MYBPH: variants seen among roughly 807,000 people sequenced by gnomAD.
The protein encoded by MYBPH is myosin-binding protein H.
A neutral mutation model predicts 53.6 loss-of-function variants in MYBPH; 49 were observed. The observed-to-expected ratio is 0.91, with a 90% CI of 0.73 to 1.16. The LOEUF (loss-of-function observed/expected upper bound fraction) is 1.16. Ranked by LOEUF, MYBPH falls within the 50% of genes most tolerant of loss-of-function variation. The probability of loss-of-function intolerance (pLI) is 0.00; values close to 1 mark genes in which losing one functional copy is unlikely to be tolerated. For synonymous variants in MYBPH, 239 were observed against 249.6 expected, an observed-to-expected ratio of 0.96 and a Z score of 0.40; for missense variants, 558 against 624.1, an observed-to-expected ratio of 0.89 and a Z score of 1.13.
upstream of MYBPH, among the ~76,000 whole-genome samples, chr1:203,177,489 T>G (rs893048957): frequency 6.6e-6 from 1 of 152,220 alleles, no homozygotes; most frequent in Non-Finnish European, 1.5e-5. Context: ...TGGCTGCCTC[T>G]CAACCCTGCT....
At chr1:203,174,864 G>C (rs1328877312) in intron 2 of MYBPH, among the ~76,000 whole-genome samples, 3 of 152,142 alleles carry the variant, frequency 2.0e-5, no homozygotes, top group South Asian at 2.1e-4. Context: ...TAGGGGCAGA[G>C]GCAGAGGCCA....
chr1:203,171,705 G>T lies in MYBPH; in HGVS notation c.598-127C>A. The stretch of plus-strand genomic sequence containing the variant: ...CCACTGGCCCTTCTCAGGAGGGGCA[G>T]CAGAGGCTGGAGCCACAGGTGCTGC... On this transcript the variant is annotated intron_variant, in intron 4 of 10. Transcript: ENST00000255416. This position sits in a 1 kb window ranked among gnomAD's most constrained non-coding sequence, Gnocchi z 4.2. The T allele has an allele frequency of 9.4e-7, 1 of 1,059,534 alleles. No homozygotes were observed. The highest frequency in any genetic ancestry group is 1.3e-6 in the Non-Finnish European group (1 of 757,950). The allele number at this position is 1,059,534 out of a possible 1,614,324, so 65.6% of individuals were successfully genotyped here.
rs550338578 is a variant in MYBPH at position 203,171,163 on chromosome 1, G to A, written c.831C>T (p.Asp277=). Residue 277 remains aspartate, a synonymous_variant, in exon 6 of 11, where the codon GAC becomes GAT. Coordinates refer to ENST00000255416, the MANE Select transcript of MYBPH (RefSeq NM_004997.3). This position sits in a 1 kb window ranked among gnomAD's most constrained non-coding sequence, Gnocchi z 4.2. ...PGPPSSIRLL[D]VWGCNAALQW... Reference sequence around the variant, plus strand: ...GAAGAGCAGCATTGCAGCCCCAGACGTCCAGGAGCCTGATGCTGCTGGGGG... The same window carrying A: ...GAAGAGCAGCATTGCAGCCCCAGACATCCAGGAGCCTGATGCTGCTGGGGG... The A allele has an allele frequency of 4.5e-5, 72 of 1,611,590 alleles. No individual in the cohort carries two copies. Among genetic ancestry groups the A allele is most frequent in the South Asian group, 2.8e-4 (25 of 90,694 alleles).
chr1:203,178,414 A>C (rs1655857850), upstream of MYBPH, among the ~76,000 whole-genome samples: 1 of 152,150 alleles, frequency 6.6e-6, no homozygotes, highest in African/African-American at 2.4e-5. Context: ...GCTGCCCCTC[A>C]CTGGGAGGCT....
At chr1:203,172,661 T>C (rs531299604) in intron 3 of MYBPH, among the ~76,000 whole-genome samples, 1 of 152,340 alleles carries the variant, frequency 6.6e-6, no homozygotes, top group Non-Finnish European at 1.5e-5. Context: ...CGGGAAGTCC[T>C]TCTTGAAGTC....
At chr1:203,177,383 G>A (rs1655832858), upstream of MYBPH, among the ~76,000 whole-genome samples, 2 of 152,234 alleles carry the variant, frequency 1.3e-5, no homozygotes, top group South Asian at 4.1e-4. Context: ...CACGTAAGAT[G>A]TGCTCACAAT....
rs768765182 is a variant in MYBPH, at chr1:203,175,666, G to A, written c.90C>T (p.Pro30=). ...ESAKVPTAEP[P]GEVAVSESTR... is the part of the protein sequence containing the mutation. ...TGGACTCTGATACTGCCACTTCTCCGGGAGGCTCTGCTGTGGGCACCTTGG... is the reference window on the plus strand; with the variant it reads ...TGGACTCTGATACTGCCACTTCTCCAGGAGGCTCTGCTGTGGGCACCTTGG... Residue 30 remains proline (P), a synonymous_variant, in exon 1 of 11, where the codon CCC becomes CCT. Coordinates refer to ENST00000255416, the MANE Select transcript of MYBPH (RefSeq NM_004997.3). 1.7e-5 allele frequency: 27 copies of A among 1,614,008 alleles called. No individual in the cohort carries two copies. Among genetic ancestry groups the A allele is most frequent in the South Asian group, 1.3e-4 (12 of 91,086 alleles).
chr1:203,176,237 G>C (rs181787438), upstream of MYBPH, among the ~76,000 whole-genome samples: 2 of 152,182 alleles, frequency 1.3e-5, no homozygotes, highest in African/African-American at 4.8e-5. Context: ...TGGGACAATC[G>C]TCCTTGTGAG....
chr1:203,170,548 C>CCAACCTT, intron 6 of MYBPH, 98 bp from the exon 7 acceptor site: 1 of 1,474,068 alleles, frequency 6.8e-7, no homozygotes, highest in Non-Finnish European at 9.2e-7. Context: ...TTCCATGCCC[C>CCAACCTT]CAACCTTAGG....
At position 203,171,105 on chromosome 1, in the gene MYBPH, C is replaced by G. The variant is rs2102189413; in HGVS notation, c.889G>C (p.Glu297Gln). The G allele has an allele frequency of 1.2e-6, 2 of 1,612,490 alleles. No homozygotes were observed. The highest frequency in any genetic ancestry group is 1.7e-6 in the Non-Finnish European group (2 of 1,179,400). ...TTCTGCACCATGTAGCCCAGGAGCTCTGTGTTGCCTGTGTCCTGGGGTGGC... is the reference window on the plus strand; with the variant it reads ...TTCTGCACCATGTAGCCCAGGAGCTGTGTGTTGCCTGTGTCCTGGGGTGGC... ...WTPPQDTGNT[E>Q]LLGYMVQKAD... The change falls in exon 6 of 11, where the codon GAG becomes CAG. Residue 297 changes from glutamate (E) to glutamine (Q), a missense_variant. Transcript: ENST00000255416. This position sits in a 1 kb window ranked among gnomAD's most constrained non-coding sequence, Gnocchi z 4.2.
rs1655793788 is a variant in MYBPH at position 203,175,631 on chromosome 1, T to C, written c.125A>G (p.Glu42Gly). 6.2e-7 allele frequency: 1 copy of C among 1,613,860 alleles called. No homozygotes were observed. The highest frequency in any genetic ancestry group is 1.3e-5 in the African/African-American group (1 of 74,870). Residue 42 changes from glutamate to glycine, a missense_variant, in exon 1 of 11, where the codon GAG (glutamate) becomes GGG (glycine). Glu to Gly is a moderately conservative substitution (Grantham distance 98). Coordinates refer to ENST00000255416, the MANE Select transcript of MYBPH (RefSeq NM_004997.3). ...EVAVSESTRE[E>G]QVPKPQAPAP... ...AGGGGCCTGCGGCTTGGGCACCTGCTCTTCTCTGGTGGACTCTGATACTGC... is the reference window on the plus strand; with the variant it reads ...AGGGGCCTGCGGCTTGGGCACCTGCCCTTCTCTGGTGGACTCTGATACTGC...
rs1476217673 is a variant in MYBPH at position 203,175,751 on chromosome 1, A to G, written c.5T>C (p.Met2Thr). 19 of 1,613,434 alleles carry G rather than the reference A, an allele frequency of 1.2e-5. No homozygotes were observed. The highest frequency in any genetic ancestry group is 1.6e-5 in the Non-Finnish European group (19 of 1,179,892). The stretch of plus-strand genomic sequence containing the variant: ...AGGGCCCTCGGAGGTGTTTTTTTCC[A>G]TCATTGCTGGACTGGCTGGGGGGCC... Reference protein sequence around the residue: MMEKNTSEGPAC... With the variant: MTEKNTSEGPAC... The change falls in exon 1 of 11, where the codon ATG (methionine) becomes ACG (threonine). Residue 2 changes from methionine to threonine, a missense_variant. Transcript: ENST00000255416.
chr1:203,168,341 T>C (rs1358966796), intron 10 of MYBPH, among the ~76,000 whole-genome samples: 3 of 152,204 alleles, frequency 2.0e-5, no homozygotes, highest in Non-Finnish European at 4.4e-5. Context: ...TGAGAGAATG[T>C]GTCCAAAGAG....
rs1032686577 is a variant in MYBPH, at chr1:203,171,296, C to T, written c.793+87G>A. On this transcript the variant is annotated intron_variant, in intron 5 of 10. Coordinates refer to ENST00000255416, the MANE Select transcript of MYBPH (RefSeq NM_004997.3). This position sits in a 1 kb window ranked among gnomAD's most constrained non-coding sequence, Gnocchi z 4.2. ...TTTGGCTCTTGCCACACTCCCTTGG[C>T]CTGCTCCCATCAGCCATCAGCTCTG... 3.2e-6 allele frequency: 5 copies of T among 1,562,160 alleles called. No individual in the cohort carries two copies. The highest frequency in any genetic ancestry group is 1.4e-5 in the African/African-American group (1 of 74,000).
At chr1:203,169,519 A>G (rs1461469740) in intron 7 of MYBPH, 130 bp from the exon 8 acceptor site, 8 of 1,310,238 alleles carry the variant, frequency 6.1e-6, no homozygotes, top group Non-Finnish European at 5.3e-6. Flanking sequence ...GACAATCTCA[A>G]AGAGGCAGAG....
intron 8 of MYBPH, 63 bp downstream of exon 8, chr1:203,169,190 C>T: frequency 1.3e-6 from 2 of 1,576,392 alleles, no homozygotes; most frequent in Non-Finnish European, 1.7e-6. Context: ...CGGAGGATTC[C>T]TCAGCCCTGC....
At chr1:203,172,875 G>A (rs1393750169) in intron 3 of MYBPH, among the ~76,000 whole-genome samples, 1 of 152,186 alleles carries the variant, frequency 6.6e-6, no homozygotes, top group African/African-American at 2.4e-5. Flanking sequence ...GGCGGAGGAG[G>A]ACAAGACAGT....
At chr1:203,177,446 T>C (rs1054080007), upstream of MYBPH, among the ~76,000 whole-genome samples, 3 of 152,234 alleles carry the variant, frequency 2.0e-5, no homozygotes, top group Admixed American at 6.5e-5. Flanking sequence ...ATGCATGCTC[T>C]TCCCTTTCCT....
Position 203,168,988 on chromosome 1 carries a change from G to A in MYBPH, c.1335C>T (p.Ser445=), listed in dbSNP as rs780549185. The change falls in exon 9 of 11, where the codon AGC becomes AGT. Residue 445 remains serine (S), a synonymous_variant. Transcript: ENST00000255416. ...AGGTGTAGACCCCAGAATCAAAGGG[G>A]CTGGGTTTCCGGATCTCTAGGGTGC... is the stretch of plus-strand genomic sequence containing the variant. ...GVCTLEIRKP[S]PFDSGVYTCK... is the part of the protein sequence containing the mutation. 5.0e-6 allele frequency: 8 copies of A among 1,613,890 alleles called. No individual in the cohort carries two copies. In the Admixed American group the frequency reaches 1.2e-4, roughly 24 times the overall value.
Sources: gnomAD v4.1 joint callset for allele counts (sites outside exome capture counted in the v4.1 genomes callset) on GRCh38, gnomAD v4.1.1 for gene constraint, Gnocchi (gnomAD v3.1) non-coding constraint, MANE v1.5 for transcripts, NCBI Gene and HGNC (gene_info 2026-07-23, HGNC 2026-07-21) for gene names.